The following NCOA2 variants were observed in gnomAD, a reference collection of about 807,000 sequenced individuals.
NCOA2 encodes class E basic helix-loop-helix protein 75.
In NCOA2, 21 loss-of-function variants were observed where a neutral mutation model predicts 145.1. That is an observed-to-expected ratio of 0.14 (90% CI 0.10 to 0.21). The LOEUF (loss-of-function observed/expected upper bound fraction) is 0.21. NCOA2 is among the 10% of genes least tolerant of loss of function. The probability of loss-of-function intolerance (pLI) is 1.00; values close to 1 mark genes in which losing one functional copy is unlikely to be tolerated. For synonymous variants in NCOA2, 619 were observed against 637.5 expected (o/e 0.97, Z 0.44); for missense variants, 1,472 against 1,837.6 (o/e 0.80, Z 3.64).
chr8:70,355,618 A>G (rs1809617609), intron 1 of NCOA2, among the ~76,000 whole-genome samples: 1 of 150,588 alleles, frequency 6.6e-6, no homozygotes, highest in Admixed American at 6.6e-5. Context: ...TCGTGTTAGC[A>G]TAGTTTATGT....
intron 1 of NCOA2, among the ~76,000 whole-genome samples, chr8:70,332,848 G>A (rs1307805928): frequency 3.9e-5 from 6 of 152,098 alleles, no homozygotes; most frequent in African/African-American, 1.4e-4. Context: ...ATACAGAGAA[G>A]AATAAAGCAC....
intron 11 of NCOA2, among the ~76,000 whole-genome samples, chr8:70,151,069 G>C (rs191361254): frequency 6.6e-6 from 1 of 152,294 alleles, no homozygotes; most frequent in East Asian, 1.9e-4. Context: ...CTCCATGTGT[G>C]GGGGTGAGGG....
At chr8:70,379,424 A>G (rs984648822) in intron 1 of NCOA2, among the ~76,000 whole-genome samples, 3 of 152,202 alleles carry the variant, frequency 2.0e-5, no homozygotes, top group African/African-American at 7.2e-5. Context: ...ATGTGGTTTC[A>G]TACAATCTTT....
chr8:70,337,162 T>C (rs1426940304), intron 1 of NCOA2, among the ~76,000 whole-genome samples: 7 of 152,076 alleles, frequency 4.6e-5, no homozygotes, highest in Non-Finnish European at 7.4e-5. Flanking sequence ...ACTCTAAGTG[T>C]TTGTACACAC....
At chr8:70,356,100 C>T (rs959847250) in intron 1 of NCOA2, among the ~76,000 whole-genome samples, 1 of 152,068 alleles carries the variant, frequency 6.6e-6, no homozygotes, top group African/African-American at 2.4e-5. Context: ...ATAATTTTTA[C>T]CTGCCATCTT....
intron 2 of NCOA2, among the ~76,000 whole-genome samples, chr8:70,278,411 T>C (rs371616098): frequency 8.5e-5 from 13 of 152,214 alleles, no homozygotes; most frequent in Non-Finnish European, 1.5e-4. Context: ...GTCTACTAAC[T>C]AGTTTATGGT....
Position 70,113,321 on chromosome 8 carries a change from T to C in NCOA2, c.*311A>G. 2 of 472,400 alleles carry C rather than the reference T, an allele frequency of 4.2e-6. No homozygotes were observed. Among genetic ancestry groups the C allele is most frequent in the African/African-American group, 1.9e-5 (1 of 52,584 alleles). The allele number at this position is 472,400 out of a possible 1,614,324, so 29.3% of individuals were successfully genotyped here. A position where few individuals can be genotyped will look rare whatever the true frequency, so the allele number is the denominator to read the frequency against. On this transcript the variant is annotated 3_prime_UTR_variant, in exon 23 of 23. Coordinates refer to ENST00000452400, the MANE Select transcript of NCOA2 (RefSeq NM_006540.4). ...AATACATACATTTAAATACATTCAA[T>C]CTGACATGGGTATGAAATTTGCCTG...
At position 70,141,344 on chromosome 8, in the gene NCOA2, C is replaced by G. The variant is rs549671401; in HGVS notation, c.2868G>C (p.Pro956=). 45 of 1,613,918 alleles carry G rather than the reference C, an allele frequency of 2.8e-5. No individual in the cohort carries two copies. In the East Asian group the frequency reaches 9.1e-4, roughly 33 times the overall value. The change falls in exon 14 of 23, where the codon CCG becomes CCC. Residue 956 remains proline (P), a synonymous_variant. Transcript: ENST00000452400. The part of the protein sequence containing the change: ...RPTMPSGEWA[P]QSSAVRVTCA... ...AGGTGACTCTCACAGCCGAACTCTG[C>G]GGTGCCCATTCTCCAGATGGCATAG...
intron 1 of NCOA2, among the ~76,000 whole-genome samples, chr8:70,325,968 G>A (rs1318729337): frequency 6.6e-6 from 1 of 152,060 alleles, no homozygotes; most frequent in Non-Finnish European, 1.5e-5. Flanking sequence ...AATAGCAGAG[G>A]CAGCTCAAAT....
chr8:70,323,620 G>T (rs1434681417), intron 1 of NCOA2, among the ~76,000 whole-genome samples: 1 of 151,800 alleles, frequency 6.6e-6, no homozygotes, highest in Non-Finnish European at 1.5e-5. Context: ...TTGAAGGGGG[G>T]GAGATTATTG....
chr8:70,434,857 A>G, the NCOA2 span, among the ~76,000 whole-genome samples: 3 of 152,128 alleles, frequency 2.0e-5, no homozygotes, highest in African/African-American at 4.8e-5. Flanking sequence ...CACTCCCATG[A>G]TTTTGATGAC....
At chr8:70,368,564 T>C (rs1221845299) in intron 1 of NCOA2, among the ~76,000 whole-genome samples, 2 of 152,210 alleles carry the variant, frequency 1.3e-5, no homozygotes, top group African/African-American at 4.8e-5. Flanking sequence ...TCTATATCAA[T>C]GAAATTCACC....
chr8:70,424,710 A>C, the NCOA2 span: 1 of 234,744 alleles, frequency 4.3e-6, no homozygotes, highest in Non-Finnish European at 8.7e-6. Flanking sequence ...CTGTCTTTGT[A>C]GTAGGAAAGC....
At chr8:70,343,348 C>T (rs1808316109) in intron 1 of NCOA2, among the ~76,000 whole-genome samples, 1 of 151,956 alleles carries the variant, frequency 6.6e-6, no homozygotes, top group African/African-American at 2.4e-5. Context: ...AACCTTTCCA[C>T]ACCAGTACCA....
chr8:70,407,119 A>G (rs115868530), upstream of NCOA2, among the ~76,000 whole-genome samples: 1 of 152,348 alleles, frequency 6.6e-6, no homozygotes, highest in Non-Finnish European at 1.5e-5. Flanking sequence ...GCATTCCTAA[A>G]TTGCCAAAGC....
intron 1 of NCOA2, among the ~76,000 whole-genome samples, chr8:70,321,329 G>GT (rs566193167): frequency 0.028 from 3,959 of 143,308 alleles, 137 homozygotes; most frequent in African/African-American, 0.082. Flanking sequence ...ACATCACTTT[G>GT]TTTTTTTTTT....
chr8:70,412,792 C>T, the NCOA2 span, among the ~76,000 whole-genome samples: 27 of 151,926 alleles, frequency 1.8e-4, no homozygotes, highest in African/African-American at 6.5e-4. Flanking sequence ...GACTTAACAC[C>T]ACTTAACATA....
intron 1 of NCOA2, among the ~76,000 whole-genome samples, chr8:70,350,089 C>T (rs1354043632): frequency 6.6e-6 from 1 of 152,040 alleles, no homozygotes; most frequent in Non-Finnish European, 1.5e-5. Context: ...TTTTATTTAA[C>T]AGAACATATA....
At chr8:70,422,612 T>C in the NCOA2 span, among the ~76,000 whole-genome samples, 52,819 of 151,620 alleles carry the variant, frequency 0.35, 9,426 homozygotes, top group South Asian at 0.57. Flanking sequence ...GGTCTTACTA[T>C]GTTGCCTAGG....
Sources: allele counts gnomAD v4.1 joint callset (sites outside exome capture counted in the v4.1 genomes callset), GRCh38; gene constraint gnomAD v4.1.1; transcripts MANE v1.5; gene names NCBI Gene and HGNC (gene_info 2026-07-23, HGNC 2026-07-21).